The following NRXN3 variants were observed in gnomAD, a reference collection of about 807,000 sequenced individuals.
The protein encoded by NRXN3 is neurexin III.
Under a neutral mutation model 137.6 loss-of-function variants are expected in NRXN3, and 32 were observed. The observed-to-expected ratio is 0.23, with a 90% CI of 0.18 to 0.31. The LOEUF (loss-of-function observed/expected upper bound fraction) is 0.31, where lower values mean the gene tolerates loss of function less well. Among genes scored for constraint, NRXN3 ranks in the 10% least tolerant of loss-of-function variants. NRXN3 has a pLI of 1.00. For synonymous variants in NRXN3, 798 were observed against 784.5 expected (o/e 1.02, Z -0.29); for missense variants, 1,574 against 2,062.5 (o/e 0.76, Z 4.59).
At chr14:79,804,904 C>G (rs568169324) in intron 19 of NRXN3, among the ~76,000 whole-genome samples, 2 of 152,124 alleles carry the variant, frequency 1.3e-5, no homozygotes, top group Non-Finnish European at 1.5e-5. Flanking sequence ...GGAAGACCCC[C>G]CTAAGACGGT....
At chr14:79,022,505 C>T (rs2099591389) in intron 15 of NRXN3, among the ~76,000 whole-genome samples, 1 of 152,236 alleles carries the variant, frequency 6.6e-6, no homozygotes, top group Admixed American at 6.5e-5. Flanking sequence ...TTTCTAGTGT[C>T]ATATTATTGG....
chr14:79,181,743 TC>T (rs938373365), intron 15 of NRXN3, among the ~76,000 whole-genome samples: 1 of 151,282 alleles, frequency 6.6e-6, no homozygotes, highest in African/African-American at 2.4e-5. Flanking sequence ...TAAAGTGACC[TC>T]AGAAAATGTG....
chr14:79,730,445 C>T (rs879731534), intron 19 of NRXN3, among the ~76,000 whole-genome samples: 4 of 152,262 alleles, frequency 2.6e-5, no homozygotes, highest in Non-Finnish European at 4.4e-5. Context: ...TTGGTTCACA[C>T]GAGACACTTG....
intron 19 of NRXN3, among the ~76,000 whole-genome samples, chr14:79,802,956 G>A (rs909800447): frequency 6.6e-6 from 1 of 151,948 alleles, no homozygotes; most frequent in Non-Finnish European, 1.5e-5. Context: ...CTAGGTGATG[G>A]GCTGATAGGC....
rs112866772 is a variant in NRXN3 at position 78,686,037 on chromosome 14, G to C, written c.1222-23180G>C. 8.7e-3 allele frequency among the ~76,000 whole-genome samples: 1,322 copies of C among 151,968 alleles called. 13 individuals carry two copies. The highest frequency in any genetic ancestry group is 0.013 in the Non-Finnish European group (867 of 67,972). ...ACCCTATCCTAGCACTCCTTCTTCC[G>C]TTTAGCTTGTCCATCACCATCTAAC... On this transcript the variant is annotated intron_variant, in intron 6 of 20. Transcript: ENST00000335750.
chr14:79,832,763 T>TA (rs930248421), intron 20 of NRXN3, among the ~76,000 whole-genome samples: 73 of 151,896 alleles, frequency 4.8e-4, no homozygotes, highest in East Asian at 9.7e-4. Context: ...TTAAAAAAAG[T>TA]AAAAAAAACA....
At chr14:79,252,420 T>A (rs945654404) in intron 15 of NRXN3, among the ~76,000 whole-genome samples, 2 of 152,370 alleles carry the variant, frequency 1.3e-5, no homozygotes, top group Non-Finnish European at 2.9e-5. Flanking sequence ...AGAGTTTTCC[T>A]CTTCTTATTT....
intron 15 of NRXN3, among the ~76,000 whole-genome samples, chr14:79,159,123 T>C (rs1157737097): frequency 1.5e-4 from 23 of 151,876 alleles, no homozygotes; most frequent in Admixed American, 1.5e-3. Flanking sequence ...CTCCATAAAG[T>C]CAATGAGCAA....
rs66861661 is a variant in NRXN3 at position 78,898,554 on chromosome 14, C to CGTGTGT, written c.2276-58645_2276-58640dup. On this transcript the variant is annotated intron_variant, in intron 10 of 20. Coordinates refer to ENST00000335750, the MANE Select transcript of NRXN3 (RefSeq NM_001330195.2). ...TGCTTTCCAGAGCACAGCTGGGTTT[C>CGTGTGT]GTGTGTGTGTGTGTGTGTGTGTGTG... is the stretch of plus-strand genomic sequence containing the variant. 6.4e-3 allele frequency among the ~76,000 whole-genome samples: 877 copies of CGTGTGT among 136,326 alleles called. 9 individuals are homozygous for CGTGTGT. The highest frequency in any genetic ancestry group is 0.018 in the Middle Eastern group (5 of 276). The allele number at this position is 136,326 out of a possible 152,430, so 89.4% of individuals were successfully genotyped here.
intron 19 of NRXN3, among the ~76,000 whole-genome samples, chr14:79,767,320 G>A (rs898284172): frequency 4.6e-5 from 7 of 152,136 alleles, no homozygotes; most frequent in Non-Finnish European, 5.9e-5. Context: ...TGCATGTGCT[G>A]TTTATATGAA....
chr14:79,485,004 G>A (rs746989985), intron 16 of NRXN3, among the ~76,000 whole-genome samples: 21 of 151,818 alleles, frequency 1.4e-4, no homozygotes, highest in Non-Finnish European at 2.1e-4. Context: ...GAGAAAAGTT[G>A]GTTATTATTC....
At chr14:78,590,336 ACT>A (rs1201659760) in intron 4 of NRXN3, among the ~76,000 whole-genome samples, 2 of 152,114 alleles carry the variant, frequency 1.3e-5, no homozygotes, top group Non-Finnish European at 2.9e-5. Context: ...CAGGGGTGAG[ACT>A]CAATCCTTTC....
intron 15 of NRXN3, among the ~76,000 whole-genome samples, chr14:79,164,001 C>A (rs2061050460): frequency 6.6e-6 from 1 of 151,956 alleles, no homozygotes. Context: ...TAATCCTCTT[C>A]AACCTACATT....
At chr14:79,489,486 T>C (rs2096691401) in intron 16 of NRXN3, among the ~76,000 whole-genome samples, 1 of 152,150 alleles carries the variant, frequency 6.6e-6, no homozygotes, top group South Asian at 2.1e-4. Context: ...TACCAAGTAA[T>C]TGAGCATTTG....
chr14:79,582,935 C>G (rs753398127), intron 16 of NRXN3, among the ~76,000 whole-genome samples: 2 of 152,146 alleles, frequency 1.3e-5, no homozygotes, highest in African/African-American at 2.4e-5. Context: ...TGATAGTAAA[C>G]GTCCTGACAA....
At chr14:79,362,127 T>G (rs1341827121) in intron 15 of NRXN3, among the ~76,000 whole-genome samples, 1 of 150,432 alleles carries the variant, frequency 6.6e-6, no homozygotes, top group Non-Finnish European at 1.5e-5. Context: ...GCCCAGCTAA[T>G]TTTTTATTTT....
chr14:79,812,058 A>G (rs1014421179), intron 20 of NRXN3, among the ~76,000 whole-genome samples: 6 of 152,284 alleles, frequency 3.9e-5, no homozygotes, highest in Middle Eastern at 3.4e-3. Flanking sequence ...AGGCTGAGGA[A>G]TAGTGTGCAT....
chr14:78,862,445 C>A (rs2099075064), intron 10 of NRXN3, among the ~76,000 whole-genome samples: 1 of 152,016 alleles, frequency 6.6e-6, no homozygotes, highest in African/African-American at 2.4e-5. Context: ...GTAAAATGTT[C>A]AGTACCAGCA....
chr14:78,390,249 C>G (rs1161251128), intron 4 of NRXN3, among the ~76,000 whole-genome samples: 1 of 152,142 alleles, frequency 6.6e-6, no homozygotes, highest in Non-Finnish European at 1.5e-5. Context: ...ATTTGGCCCA[C>G]TACCTATTTT....
Sources: allele counts gnomAD v4.1 joint callset (sites outside exome capture counted in the v4.1 genomes callset), GRCh38; gene constraint gnomAD v4.1.1; transcripts MANE v1.5; gene names NCBI Gene and HGNC (gene_info 2026-07-23, HGNC 2026-07-21).